The following CACNA1C variants were observed in gnomAD, a reference collection of about 807,000 sequenced individuals.
CACNA1C encodes the protein voltage-dependent L-type calcium channel subunit alpha-1C.
A neutral mutation model predicts 229.0 loss-of-function variants in CACNA1C; 30 were observed. The ratio of observed to expected loss-of-function variants is 0.13; its 90% CI spans 0.10 to 0.18. The LOEUF (loss-of-function observed/expected upper bound fraction) is 0.18. Ranked by LOEUF, CACNA1C falls within the 10% of genes least tolerant of loss-of-function variation. CACNA1C has a pLI of 1.00. For synonymous variants in CACNA1C, 1,114 were observed against 1,132.5 expected, an observed-to-expected ratio of 0.98 and a Z score of 0.33; for missense variants, 1,658 against 2,845.0, an observed-to-expected ratio of 0.58 and a Z score of 9.49.
At chr12:2,194,489 C>T (rs1024769703) in intron 3 of CACNA1C, among the ~76,000 whole-genome samples, 1 of 151,696 alleles carries the variant, frequency 6.6e-6, no homozygotes, top group African/African-American at 2.4e-5. Context: ...CTTTGTTTCT[C>T]CCTTTCTGTT....
chr12:2,517,820 A>T (rs1211946943), intron 9 of CACNA1C, among the ~76,000 whole-genome samples: 1 of 152,250 alleles, frequency 6.6e-6, no homozygotes, highest in African/African-American at 2.4e-5. Context: ...TACAGGGAGA[A>T]GCCATAAAGA....
chr12:2,252,578 A>G (rs935101724), intron 3 of CACNA1C, among the ~76,000 whole-genome samples: 1 of 152,230 alleles, frequency 6.6e-6, no homozygotes, highest in African/African-American at 2.4e-5. Flanking sequence ...ATCAAGAAGC[A>G]GGGACAAGAG....
At chr12:2,110,938 C>CCTGTCTCACCCGAGAGGCCACAT in intron 1 of CACNA1C, among the ~76,000 whole-genome samples, 1 of 149,394 alleles carries the variant, frequency 6.7e-6, no homozygotes, top group Non-Finnish European at 1.5e-5. Context: ...AGAGGCCATA[C>CCTGTCTCACCCGAGAGGCCACAT]CTGTCTCACC....
At position 2,438,037 on chromosome 12, in the gene CACNA1C, GGGT is replaced by G. The variant is rs544001249; in HGVS notation, c.478-10929_478-10927del. ...AGCGGTATGATGGTAGTGGTGGTGAGGGTGGTGGTGGTAATGATGGTGGTGATG... is the reference window on the plus strand; with the variant it reads ...AGCGGTATGATGGTAGTGGTGGTGAGGGTGGTGGTAATGATGGTGGTGATG... On this transcript the variant is annotated intron_variant, in intron 3 of 46. Coordinates refer to ENST00000399655, the MANE Select transcript of CACNA1C (RefSeq NM_000719.7). Among the ~76,000 whole-genome samples the G allele has an allele frequency of 2.6e-4, 36 of 137,576 alleles. No homozygotes were observed. The East Asian group carries it at 6.5e-3, about 25-fold the overall frequency. The allele number at this position is 137,576 out of a possible 152,430, so 90.3% of individuals were successfully genotyped here. A position where few individuals can be genotyped will look rare whatever the true frequency, so the allele number is the denominator to read the frequency against.
intron 3 of CACNA1C, among the ~76,000 whole-genome samples, chr12:2,414,392 G>A (rs553952599): frequency 2.0e-5 from 3 of 152,264 alleles, no homozygotes; most frequent in Middle Eastern, 3.4e-3. Context: ...AGGTGAAGTC[G>A]TACATAAGCC....
At chr12:2,379,986 C>G (rs987231468) in intron 3 of CACNA1C, among the ~76,000 whole-genome samples, 9 of 142,140 alleles carry the variant, frequency 6.3e-5, no homozygotes, top group East Asian at 2.1e-4. Flanking sequence ...AGCCGAGATC[C>G]CGCCACTGCA....
Position 2,513,088 on chromosome 12 carries a change from C to T in CACNA1C, c.1390+104C>T, listed in dbSNP as rs143490559. The T allele has an allele frequency of 0.017, 14,335 of 861,740 alleles. 144 individuals are homozygous for T. Among genetic ancestry groups the T allele is most frequent in the Non-Finnish European group, 0.022 (12,770 of 573,906 alleles). The allele number at this position is 861,740 out of a possible 1,614,324, so 53.4% of individuals were successfully genotyped here. ...ACCGCCACCCTTTCTTAGAAGCCCA[C>T]GGGGTGCCTTCCTGGAGCAGCAGTT... On this transcript the variant is annotated intron_variant, in intron 9 of 46. Coordinates refer to ENST00000399655, the MANE Select transcript of CACNA1C (RefSeq NM_000719.7).
At chr12:2,531,615 C>T (rs1219772527) in intron 9 of CACNA1C, among the ~76,000 whole-genome samples, 1 of 152,198 alleles carries the variant, frequency 6.6e-6, no homozygotes, top group East Asian at 1.9e-4. Context: ...CTTCTCCCAT[C>T]TTGGCCAGGC....
intron 9 of CACNA1C, among the ~76,000 whole-genome samples, chr12:2,538,436 G>C (rs1481534924): frequency 6.6e-6 from 1 of 152,054 alleles, no homozygotes; most frequent in Non-Finnish European, 1.5e-5. Context: ...CCTGGGAACT[G>C]TGTTTCTTTT....
At chr12:2,432,064 T>G (rs1187999529) in intron 3 of CACNA1C, among the ~76,000 whole-genome samples, 6 of 152,180 alleles carry the variant, frequency 3.9e-5, no homozygotes, top group Non-Finnish European at 8.8e-5. Flanking sequence ...TCATTATAAT[T>G]GTGCTGATCA....
rs757433209 is a variant in CACNA1C at position 2,054,813 on chromosome 12, C to G, written c.49+1202C>G. ...TCTTCCCCTGAAAGCCTATCTGTCA[C>G]TGCTGGTCTCTGTTCCTTCCCTGGG... On this transcript the variant is annotated intron_variant, in intron 1 of 46. Coordinates refer to ENST00000399655, the MANE Select transcript of CACNA1C (RefSeq NM_000719.7). This position sits in a 1 kb window ranked among gnomAD's most constrained non-coding sequence, Gnocchi z 5.5. Among the ~76,000 whole-genome samples the G allele has an allele frequency of 2.0e-5, 3 of 152,244 alleles. No homozygotes were observed. Among genetic ancestry groups the G allele is most frequent in the Non-Finnish European group, 2.9e-5 (2 of 68,038 alleles).
intron 13 of CACNA1C, among the ~76,000 whole-genome samples, chr12:2,572,364 CCTT>C (rs1600559307): frequency 1.0e-4 from 3 of 29,634 alleles, no homozygotes; most frequent in Non-Finnish European, 1.4e-4. Context: ...CTCTCCTCCT[CCTT>C]CTCCTCTTCC....
intron 1 of CACNA1C, among the ~76,000 whole-genome samples, chr12:2,035,657 A>G (rs1320170717): frequency 2.6e-5 from 4 of 152,220 alleles, no homozygotes; most frequent in Non-Finnish European, 5.9e-5. Flanking sequence ...GATCCCCATA[A>G]TATGTGCACC....
At chr12:2,235,339 G>T (rs1329483470) in intron 3 of CACNA1C, among the ~76,000 whole-genome samples, 1 of 152,134 alleles carries the variant, frequency 6.6e-6, no homozygotes. Context: ...CATTCAGCCG[G>T]GGTCCAACAC....
intron 9 of CACNA1C, among the ~76,000 whole-genome samples, chr12:2,525,090 G>A (rs1440722039): frequency 6.6e-6 from 1 of 152,218 alleles, no homozygotes; most frequent in Non-Finnish European, 1.5e-5. Flanking sequence ...AGAAAGATCA[G>A]GACAGAAAGA....
At chr12:2,443,567 C>T (rs1163329051) in intron 3 of CACNA1C, among the ~76,000 whole-genome samples, 2 of 152,188 alleles carry the variant, frequency 1.3e-5, no homozygotes, top group East Asian at 1.9e-4. Flanking sequence ...CAAAGCTTCC[C>T]GTTTCCCAAG....
At chr12:2,266,097 G>GGCAGGATGA (rs1048170288) in intron 3 of CACNA1C, among the ~76,000 whole-genome samples, 15 of 152,196 alleles carry the variant, frequency 9.9e-5, no homozygotes, top group Admixed American at 6.5e-5. Flanking sequence ...AGGCAACCAA[G>GGCAGGATGA]GCAGGATGAG....
intron 3 of CACNA1C, among the ~76,000 whole-genome samples, chr12:2,378,258 G>A (rs2098130607): frequency 6.6e-6 from 1 of 152,202 alleles, no homozygotes; most frequent in Non-Finnish European, 1.5e-5. Flanking sequence ...ACACAAGCTA[G>A]AAAAAGAGGA....
chr12:2,357,369 C>T (rs114253317), intron 3 of CACNA1C, among the ~76,000 whole-genome samples: 1 of 152,236 alleles, frequency 6.6e-6, no homozygotes, highest in African/African-American at 2.4e-5. Flanking sequence ...GCAAACAGAG[C>T]TGTGTTTTCT....
Sources: allele counts gnomAD v4.1 joint callset (sites outside exome capture counted in the v4.1 genomes callset), GRCh38; gene constraint gnomAD v4.1.1; non-coding constraint Gnocchi (gnomAD v3.1); transcripts MANE v1.5; gene names NCBI Gene and HGNC (gene_info 2026-07-23, HGNC 2026-07-21).